The following BRDT variants were observed in gnomAD, a reference collection of about 807,000 sequenced individuals.
BRDT encodes the protein bromodomain testis-specific protein.
BRDT carries 77 observed loss-of-function variants against 113.9 expected under a neutral mutation model. That is an observed-to-expected ratio of 0.68 (90% CI 0.56 to 0.82). The LOEUF (loss-of-function observed/expected upper bound fraction) is 0.82. BRDT is among the 40% of genes least tolerant of loss of function. BRDT has a pLI of 0.00. For missense variants in BRDT, 1,027 were observed against 1,105.4 expected (o/e 0.93, Z 1.01); for synonymous variants, 358 against 366.5 (o/e 0.98, Z 0.26).
intron 4 of BRDT, among the ~76,000 whole-genome samples, chr1:91,975,447 A>G (rs7551850): frequency 0.066 from 10,067 of 152,164 alleles, 393 homozygotes; most frequent in African/African-American, 0.094. Flanking sequence ...TGTTTTGAGG[A>G]TAGACTATAG....
At chr1:91,994,730 C>T (rs375661626) in intron 15 of BRDT, among the ~76,000 whole-genome samples, 8,216 of 147,816 alleles carry the variant, frequency 0.056, 261 homozygotes, top group African/African-American at 0.079. Flanking sequence ...TAGCCGGGCG[C>T]AGTGGCGGGC....
At position 91,976,298 on chromosome 1, in the gene BRDT, A is replaced by G. The variant is rs2101646853; in HGVS notation, c.478A>G (p.Lys160Glu). The G allele has an allele frequency of 4.3e-6, 7 of 1,610,758 alleles. No homozygotes were observed. Among genetic ancestry groups the G allele is most frequent in the Non-Finnish European group, 5.9e-6 (7 of 1,179,032 alleles). Residue 160 changes from lysine to glutamate, a missense_variant, in exon 5 of 19, where the codon AAA (lysine) becomes GAA (glutamate). Lys to Glu is a moderately conservative substitution (Grantham distance 56, BLOSUM62 1). Coordinates refer to ENST00000399546, the MANE Select transcript of BRDT (RefSeq NM_207189.4). ...ACAGAATATAGCTGTTTCTTCTGCT[A>G]AAGAAAAATCATCACCCAGCGCAAC... ...TQQNIAVSSA[K>E]EKSSPSATEK... is the part of the protein sequence containing the mutation.
intron 2 of BRDT, among the ~76,000 whole-genome samples, chr1:91,964,066 TG>T (rs767859313): frequency 1.1e-4 from 17 of 151,850 alleles, no homozygotes; most frequent in Non-Finnish European, 2.1e-4. Context: ...TTGTTGTTGT[TG>T]TTGTGTTTTT....
At chr1:91,968,058 C>T (rs1683248132) in intron 3 of BRDT, 88 bp from the exon 4 acceptor site, 3 of 1,352,804 alleles carry the variant, frequency 2.2e-6, no homozygotes, top group South Asian at 2.8e-5. Flanking sequence ...TACTATGTTA[C>T]TGCCTTCCAT....
Position 91,969,833 on chromosome 1 carries a change from T to TG in BRDT, c.445+1573_445+1574insG, listed in dbSNP as rs1460292163. Among the ~76,000 whole-genome samples the TG allele has an allele frequency of 1.2e-3, 171 of 146,040 alleles. 1 individual carries two copies. Among genetic ancestry groups the TG allele is most frequent in the African/African-American group, 4.2e-3 (168 of 39,892 alleles). The stretch of plus-strand genomic sequence containing the variant: ...TTTGTGTGTGTGTGTGTTTTTTTTT[T>TG]TTTTTTTTTTTTGAGACAGAGTTTC... On this transcript the variant is annotated intron_variant, in intron 4 of 18. Transcript: ENST00000399546.
At chr1:92,007,995 GCAACCTCCACCTC>G (rs540846556) in intron 18 of BRDT, among the ~76,000 whole-genome samples, 2 of 152,032 alleles carry the variant, frequency 1.3e-5, no homozygotes, top group African/African-American at 4.8e-5. Flanking sequence ...TCAGCTCACT[GCAACCTCCACCTC>G]CCTGGTTCAA....
At chr1:91,985,700 GCC>G (rs1685156735) in intron 12 of BRDT, among the ~76,000 whole-genome samples, 1 of 142,272 alleles carries the variant, frequency 7.0e-6, no homozygotes, top group Non-Finnish European at 1.5e-5. Flanking sequence ...GTGCAGTGGC[GCC>G]GTCTGGGCTT....
intron 15 of BRDT, among the ~76,000 whole-genome samples, chr1:91,995,403 CTGTGTGTGTGTG>C (rs200254179): frequency 0.022 from 3,217 of 146,832 alleles, 56 homozygotes; most frequent in Non-Finnish European, 0.023. Flanking sequence ...CCCTACTATT[CTGTGTGTGTGTG>C]TGTGTGTGTG....
At chr1:91,983,272 T>C (rs1341299875) in intron 12 of BRDT, among the ~76,000 whole-genome samples, 1 of 150,302 alleles carries the variant, frequency 6.7e-6, no homozygotes, top group Admixed American at 6.6e-5. Context: ...TCTTTTTTTT[T>C]TTTTTTTTTT....
intron 2 of BRDT, 35 bp downstream of exon 2, chr1:91,962,981 A>G (rs1467783787): frequency 6.9e-7 from 1 of 1,454,058 alleles, no homozygotes; most frequent in Non-Finnish European, 9.2e-7. Context: ...GTTTCAAAAA[A>G]AGAAAACTCC....
In BRDT at chr1:91,981,103, C is replaced by T. The variant is rs758096586; in HGVS notation, c.1675C>T (p.Leu559=). The T allele has an allele frequency of 9.3e-6, 15 of 1,614,020 alleles. No individual in the cohort carries two copies. The highest frequency in any genetic ancestry group is 1.3e-5 in the Non-Finnish European group (15 of 1,179,960). ...TGAGATAGAGATAGACTTTGAAACACTGAAAGCATCAACACTAAGAGAATT... is the reference window on the plus strand; with the variant it reads ...TGAGATAGAGATAGACTTTGAAACATTGAAAGCATCAACACTAAGAGAATT... ...PDEIEIDFET[L]KASTLRELEK... is the part of the protein sequence containing the mutation. The change falls in exon 10 of 19, where the codon CTG becomes TTG. Residue 559 remains leucine (L), a synonymous_variant. Transcript: ENST00000399546.
intron 1 of BRDT, among the ~76,000 whole-genome samples, chr1:91,957,230 A>G (rs1405732912): frequency 6.6e-6 from 1 of 152,220 alleles, no homozygotes; most frequent in Non-Finnish European, 1.5e-5. Flanking sequence ...GCAGTGGCTC[A>G]TGCCTGTAAT....
chr1:92,010,690 G>A (rs1219730424), intron 18 of BRDT, among the ~76,000 whole-genome samples: 1 of 152,006 alleles, frequency 6.6e-6, no homozygotes, highest in Admixed American at 6.5e-5. Flanking sequence ...AACCCCCAGT[G>A]TATTAATTTT....
At chr1:91,985,183 G>A (rs1685097060) in intron 12 of BRDT, among the ~76,000 whole-genome samples, 1 of 152,094 alleles carries the variant, frequency 6.6e-6, no homozygotes, top group African/African-American at 2.4e-5. Context: ...CCGGGTTCAA[G>A]CGATCGAGTA....
intron 1 of BRDT, among the ~76,000 whole-genome samples, chr1:91,958,581 C>G (rs1311915336): frequency 6.6e-6 from 1 of 151,994 alleles, no homozygotes; most frequent in Non-Finnish European, 1.5e-5. Flanking sequence ...GTGTATTTAC[C>G]CTTTCACCTA....
intron 18 of BRDT, among the ~76,000 whole-genome samples, chr1:92,011,777 C>A (rs1687817575): frequency 6.6e-6 from 1 of 152,174 alleles, no homozygotes; most frequent in South Asian, 2.1e-4. Flanking sequence ...ACAACCCGAC[C>A]TTGGATCTAT....
At chr1:91,965,665 T>C (rs1214217613) in intron 3 of BRDT, among the ~76,000 whole-genome samples, 1 of 151,970 alleles carries the variant, frequency 6.6e-6, no homozygotes, top group Non-Finnish European at 1.5e-5. Flanking sequence ...CTGACCAACA[T>C]GGTGAAACCC....
chr1:91,992,113 C>T (rs1336787719), intron 13 of BRDT, 151 bp from the exon 14 acceptor site: 5 of 335,426 alleles, frequency 1.5e-5, no homozygotes, highest in Non-Finnish European at 1.1e-5. Flanking sequence ...TCCAAACATA[C>T]AATTATTTAT....
intron 18 of BRDT, among the ~76,000 whole-genome samples, chr1:92,008,902 T>G (rs1365381602): frequency 6.6e-6 from 1 of 152,242 alleles, no homozygotes; most frequent in Non-Finnish European, 1.5e-5. Flanking sequence ...CAATTATGTT[T>G]TGAAATATGT....
Sources: gnomAD v4.1 joint callset for allele counts (sites outside exome capture counted in the v4.1 genomes callset) on GRCh38, gnomAD v4.1.1 for gene constraint, MANE v1.5 for transcripts, NCBI Gene and HGNC (gene_info 2026-07-23, HGNC 2026-07-21) for gene names.